VWA8: variants seen among roughly 807,000 people sequenced by gnomAD.
VWA8 encodes the protein von Willebrand factor A domain containing 8.
Under a neutral mutation model 241.5 loss-of-function variants are expected in VWA8, and 221 were observed. The observed-to-expected ratio is 0.91, with a 90% CI of 0.82 to 1.02. The LOEUF (loss-of-function observed/expected upper bound fraction) is 1.02, where lower values mean the gene tolerates loss of function less well. Among genes scored for constraint, VWA8 ranks in the 50% least tolerant of loss-of-function variants. The probability of loss-of-function intolerance (pLI) is 0.00; values close to 1 mark genes in which losing one functional copy is unlikely to be tolerated. For synonymous variants in VWA8, 852 were observed against 827.1 expected, an observed-to-expected ratio of 1.03 and a Z score of -0.52; for missense variants, 2,322 against 2,328.7, an observed-to-expected ratio of 1.00 and a Z score of 0.06.
chr13:41,583,576 G>A (rs922199637), intron 42 of VWA8, among the ~76,000 whole-genome samples: 2 of 150,220 alleles, frequency 1.3e-5, no homozygotes, highest in African/African-American at 4.9e-5. Flanking sequence ...CTGGGAGGCG[G>A]AGGCTGCAGT....
intron 12 of VWA8, among the ~76,000 whole-genome samples, chr13:41,856,484 G>A (rs1319888202): frequency 6.6e-6 from 1 of 152,186 alleles, no homozygotes; most frequent in African/African-American, 2.4e-5. Flanking sequence ...CAAATGGAAA[G>A]AGTATTCAGT....
At chr13:41,678,693 T>C (rs868753464) in intron 35 of VWA8, among the ~76,000 whole-genome samples, 32 of 152,364 alleles carry the variant, frequency 2.1e-4, no homozygotes, top group South Asian at 1.0e-3. Flanking sequence ...ATCTTTTTTT[T>C]CCCATATCTT....
intron 2 of VWA8, chr13:41,925,591 TG>T: frequency 6.4e-6 from 1 of 156,882 alleles, no homozygotes; most frequent in Non-Finnish European, 1.4e-5. Context: ...TGGAGCCTTC[TG>T]GAAAGGTGGC....
intron 21 of VWA8, among the ~76,000 whole-genome samples, chr13:41,747,277 G>A (rs1442655957): frequency 6.6e-6 from 1 of 152,152 alleles, no homozygotes; most frequent in East Asian, 1.9e-4. Flanking sequence ...ATTTCATTGA[G>A]CAGTGGTTTG....
chr13:41,684,074 A>T (rs956591603), intron 35 of VWA8, among the ~76,000 whole-genome samples: 5 of 152,166 alleles, frequency 3.3e-5, no homozygotes, highest in Non-Finnish European at 7.4e-5. Context: ...GTGTTTATAT[A>T]TCACCTTGTG....
intron 2 of VWA8, among the ~76,000 whole-genome samples, chr13:41,948,023 C>T (rs1439918896): frequency 7.1e-6 from 1 of 141,060 alleles, no homozygotes; most frequent in Non-Finnish European, 1.5e-5. Flanking sequence ...AGCAATTTAT[C>T]TTCTAGGTAA....
chr13:41,773,377 G>T lies in VWA8; in HGVS notation c.2349+4608C>A, dbSNP rs532946551. ...AAAGCATGAAATACCATTGACCAAT[G>T]AAACAAGGCATTTTTTAAAACTACT... is the stretch of plus-strand genomic sequence containing the variant. On this transcript the variant is annotated intron_variant, in intron 20 of 44. Coordinates refer to ENST00000379310, the MANE Select transcript of VWA8 (RefSeq NM_015058.2). Among the ~76,000 whole-genome samples, 57 of 152,310 alleles carry T rather than the reference G, an allele frequency of 3.7e-4. 1 individual carries two copies. The South Asian group carries it at 0.012, about 32-fold the overall frequency.
chr13:41,691,488 T>C (rs771906917), intron 31 of VWA8, 43 bp from the exon 32 acceptor site: 2 of 1,603,724 alleles, frequency 1.2e-6, no homozygotes, highest in Non-Finnish European at 1.7e-6. Context: ...ATGGTGAGGA[T>C]AATGGTTGAG....
chr13:41,762,775 C>T (rs557258319), intron 20 of VWA8, among the ~76,000 whole-genome samples: 6 of 152,216 alleles, frequency 3.9e-5, no homozygotes, highest in Non-Finnish European at 7.4e-5. Context: ...TTGAGCGCCA[C>T]AGGGGGTAGA....
At chr13:41,593,635 C>T (rs1236611366) in intron 40 of VWA8, among the ~76,000 whole-genome samples, 1 of 152,174 alleles carries the variant, frequency 6.6e-6, no homozygotes, top group Non-Finnish European at 1.5e-5. Context: ...CCTCAGGCTT[C>T]CTGGATAATT....
At chr13:41,607,249 A>G (rs2044559183) in intron 39 of VWA8, among the ~76,000 whole-genome samples, 1 of 152,174 alleles carries the variant, frequency 6.6e-6, no homozygotes, top group Admixed American at 6.5e-5. Context: ...GGCACTTTGA[A>G]AACAGTGACT....
At chr13:41,923,254 G>C (rs909802654) in intron 2 of VWA8, among the ~76,000 whole-genome samples, 1 of 152,232 alleles carries the variant, frequency 6.6e-6, no homozygotes, top group East Asian at 1.9e-4. Flanking sequence ...TTGGACACAG[G>C]GTGGGGAACA....
chr13:41,795,478 T>G (rs1869649870), intron 17 of VWA8, among the ~76,000 whole-genome samples: 1 of 152,190 alleles, frequency 6.6e-6, no homozygotes, highest in Non-Finnish European at 1.5e-5. Flanking sequence ...ATCATTCTGT[T>G]ATAAAGTTAT....
intron 12 of VWA8, among the ~76,000 whole-genome samples, chr13:41,838,463 T>G (rs924928026): frequency 6.6e-6 from 1 of 152,168 alleles, no homozygotes; most frequent in Non-Finnish European, 1.5e-5. Flanking sequence ...TTAAATTGCT[T>G]GTAGCAAAAG....
intron 17 of VWA8, among the ~76,000 whole-genome samples, chr13:41,810,132 C>G (rs187450692): frequency 1.5e-3 from 222 of 151,954 alleles, no homozygotes; most frequent in Non-Finnish European, 2.8e-3. Flanking sequence ...AAAAGGGAAC[C>G]CTTGTACACT....
chr13:41,707,947 T>C (rs1042477865), intron 26 of VWA8, among the ~76,000 whole-genome samples: 2 of 152,098 alleles, frequency 1.3e-5, no homozygotes, highest in Non-Finnish European at 2.9e-5. Flanking sequence ...CATACAAAAC[T>C]CCTAGAAACT....
At chr13:41,719,063 T>C (rs922339498) in intron 26 of VWA8, among the ~76,000 whole-genome samples, 1 of 151,964 alleles carries the variant, frequency 6.6e-6, no homozygotes, top group Non-Finnish European at 1.5e-5. Context: ...GATTATAAAA[T>C]AAAGGGTAGG....
chr13:41,716,211 C>T (rs747841764), intron 26 of VWA8, among the ~76,000 whole-genome samples: 22 of 151,968 alleles, frequency 1.4e-4, no homozygotes, highest in Non-Finnish European at 2.9e-4. Context: ...AGAAGAGCTC[C>T]ATTATGGCAG....
chr13:41,957,000 G>C (rs1878378409), intron 1 of VWA8, among the ~76,000 whole-genome samples: 2 of 152,108 alleles, frequency 1.3e-5, no homozygotes, highest in Admixed American at 1.3e-4. Flanking sequence ...CAGCACTTTG[G>C]GAGGCAAAGA....
Sources: allele counts gnomAD v4.1 joint callset (sites outside exome capture counted in the v4.1 genomes callset), GRCh38; gene constraint gnomAD v4.1.1; transcripts MANE v1.5; gene names NCBI Gene and HGNC (gene_info 2026-07-23, HGNC 2026-07-21).